CCDC47: variants seen among roughly 807,000 people sequenced by gnomAD.
The protein encoded by CCDC47 is coiled-coil domain containing 47.
In CCDC47, 41 loss-of-function variants were observed where a neutral mutation model predicts 60.5. The ratio of observed to expected loss-of-function variants is 0.68; its 90% confidence interval spans 0.53 to 0.88. The LOEUF (loss-of-function observed/expected upper bound fraction) is 0.88, where lower values mean the gene tolerates loss of function less well. Ranked by LOEUF, CCDC47 falls within the 40% of genes least tolerant of loss-of-function variation. The probability of loss-of-function intolerance (pLI) is 0.00; values close to 1 mark genes in which losing one functional copy is unlikely to be tolerated. For synonymous variants in CCDC47, 195 were observed against 190.7 expected (o/e 1.02, Z -0.18); for missense variants, 513 against 580.9 (o/e 0.88, Z 1.20).
intron 4 of CCDC47, 118 bp downstream of exon 4, chr17:63,763,898 A>G (rs2039278848): frequency 1.7e-6 from 1 of 584,044 alleles, no homozygotes; most frequent in Non-Finnish European, 2.6e-6. Flanking sequence ...GAGAGAAAAA[A>G]CAATGCACCC....
rs763046097 is a variant in CCDC47 at position 63,756,357 on chromosome 17, G to A, written c.838-7C>T. 3.1e-6 allele frequency: 5 copies of A among 1,609,544 alleles called. No homozygotes were observed. The highest frequency in any genetic ancestry group is 3.4e-6 in the Non-Finnish European group (4 of 1,175,838). ...TATCACTACAAAACTCACTCTAGAG[G>A]AAGAAGTAATTGAAAGTAAGATATG... On this transcript the variant is annotated splice_polypyrimidine_tract_variant and splice_region_variant and intron_variant, in intron 7 of 12. Coordinates refer to ENST00000225726, the MANE Select transcript of CCDC47 (RefSeq NM_020198.3).
intron 12 of CCDC47, among the ~76,000 whole-genome samples, chr17:63,748,301 T>TG (rs2039135547): frequency 1.3e-5 from 2 of 150,892 alleles, no homozygotes; most frequent in African/African-American, 4.9e-5. Flanking sequence ...TTAGTAGAGA[T>TG]GGGGTTTCAC....
At chr17:63,770,553 A>G (rs1374934378) in intron 1 of CCDC47, among the ~76,000 whole-genome samples, 1 of 152,212 alleles carries the variant, frequency 6.6e-6, no homozygotes. Context: ...AAAGGGAAAT[A>G]TGTACTACTC....
chr17:63,761,031 T>C (rs771591484), intron 5 of CCDC47, 52 bp from the exon 6 acceptor site: 5 of 1,471,268 alleles, frequency 3.4e-6, no homozygotes, highest in South Asian at 2.3e-5. Context: ...CTACTTAGTA[T>C]AAAAAAAAGG....
At chr17:63,749,859 G>GCGGGAGGATGGCTTGAGCC (rs2039149541) in intron 12 of CCDC47, among the ~76,000 whole-genome samples, 2 of 152,200 alleles carry the variant, frequency 1.3e-5, no homozygotes, top group Admixed American at 6.5e-5. Flanking sequence ...GGAGGCCGAA[G>GCGGGAGGATGGCTTGAGCC]CGGGAGGATG....
At chr17:63,758,395 T>G (rs1032447631) in intron 6 of CCDC47, among the ~76,000 whole-genome samples, 1 of 151,916 alleles carries the variant, frequency 6.6e-6, no homozygotes, top group Non-Finnish European at 1.5e-5. Context: ...GAATTGAGGC[T>G]GGGCACAGTG....
chr17:63,752,624 A>G, intron 10 of CCDC47, 117 bp downstream of exon 10: 1 of 1,065,680 alleles, frequency 9.4e-7, no homozygotes. Context: ...ATCAGTAAGC[A>G]AGCACAGGCT....
chr17:63,763,366 A>T (rs757057996), intron 4 of CCDC47, among the ~76,000 whole-genome samples: 2 of 152,102 alleles, frequency 1.3e-5, no homozygotes, highest in Non-Finnish European at 2.9e-5. Context: ...CTACAAAAAA[A>T]ATACAAAAAT....
At chr17:63,772,818 T>C (rs1488701409) in intron 1 of CCDC47, 1 of 152,288 alleles carries the variant, frequency 6.6e-6, no homozygotes, top group Non-Finnish European at 1.5e-5. Flanking sequence ...ACCTGTCAGT[T>C]CTCAAATGCA....
At chr17:63,762,766 G>A (rs561497362) in intron 4 of CCDC47, among the ~76,000 whole-genome samples, 58 of 152,266 alleles carry the variant, frequency 3.8e-4, no homozygotes, top group Non-Finnish European at 5.7e-4. Context: ...AAGATGAATT[G>A]AGAGCATTTA....
chr17:63,753,514 G>C (rs1373443705), intron 9 of CCDC47: 1 of 377,258 alleles, frequency 2.7e-6, no homozygotes, highest in Non-Finnish European at 3.6e-6. Flanking sequence ...TCAGAGGGTA[G>C]TCTTTAACTA....
intron 2 of CCDC47, 149 bp from the exon 3 acceptor site, chr17:63,764,996 G>A: frequency 8.6e-6 from 12 of 1,403,208 alleles, no homozygotes; most frequent in South Asian, 3.3e-5. Context: ...AAAACGATTG[G>A]GTACAAATTT....
chr17:63,751,047 T>TC (rs1446923878), intron 12 of CCDC47, among the ~76,000 whole-genome samples: 2 of 151,634 alleles, frequency 1.3e-5, no homozygotes, highest in African/African-American at 4.8e-5. Flanking sequence ...GCTAATTTTT[T>TC]TTTTTTTTTA....
chr17:63,761,159 T>G (rs2039256155), intron 5 of CCDC47, 71 bp downstream of exon 5: 1 of 1,581,066 alleles, frequency 6.3e-7, no homozygotes, highest in Non-Finnish European at 8.7e-7. Context: ...GATGCTGAAT[T>G]GGGGGGCTGG....
chr17:63,760,739 TG>T (rs1457154640), intron 6 of CCDC47, among the ~76,000 whole-genome samples, 174 bp downstream of exon 6: 7 of 150,414 alleles, frequency 4.7e-5, no homozygotes, highest in African/African-American at 1.7e-4. Context: ...CTTGGGAGGC[TG>T]AGGCAGGAGA....
Position 63,752,360 on chromosome 17 carries a change from T to G in CCDC47, c.1163A>C (p.Tyr388Ser), listed in dbSNP as rs1039560846. Residue 388 changes from tyrosine (Y) to serine (S), a missense_variant, in exon 11 of 13, where the codon TAT (tyrosine) becomes TCT (serine). Coordinates refer to ENST00000225726, the MANE Select transcript of CCDC47 (RefSeq NM_020198.3). ...ALLPLMNMVI[Y>S]SIDKAKKFRL... ...GAACTTTTTGGCTTTATCAATAGAATAAATCACCATGTTCATCAGGGGTAG... is the reference window on the plus strand; with the variant it reads ...GAACTTTTTGGCTTTATCAATAGAAGAAATCACCATGTTCATCAGGGGTAG... The G allele has an allele frequency of 6.2e-7, 1 of 1,614,002 alleles. No homozygotes were observed. Among genetic ancestry groups the G allele is most frequent in the Non-Finnish European group, 8.5e-7 (1 of 1,179,908 alleles).
intron 4 of CCDC47, chr17:63,761,695 T>TG (rs2039262634): frequency 2.1e-5 from 4 of 187,810 alleles, no homozygotes; most frequent in Non-Finnish European, 2.1e-5. Context: ...AGACTCTGTC[T>TG]CAAAAAAAAA....
intron 9 of CCDC47, 72 bp from the exon 10 acceptor site, chr17:63,752,871 A>AG: frequency 6.4e-7 from 1 of 1,564,852 alleles, no homozygotes; most frequent in East Asian, 2.3e-5. Flanking sequence ...GTCACCCAAT[A>AG]CACTTAGATG....
chr17:63,766,777 T>C (rs545828435), intron 1 of CCDC47: 13 of 948,078 alleles, frequency 1.4e-5, no homozygotes, highest in Admixed American at 6.2e-5. Flanking sequence ...TCCATTTACA[T>C]AGAGTATTCA....
Sources: allele counts gnomAD v4.1 joint callset (sites outside exome capture counted in the v4.1 genomes callset), GRCh38; gene constraint gnomAD v4.1.1; transcripts MANE v1.5; gene names NCBI Gene and HGNC (gene_info 2026-07-23, HGNC 2026-07-21).